PPM1L: variants seen among roughly 807,000 people sequenced by gnomAD.
PPM1L encodes protein phosphatase 1L.
PPM1L carries 13 observed loss-of-function variants against 31.4 expected under a neutral mutation model. The ratio of observed to expected loss-of-function variants is 0.41; its 90% CI spans 0.27 to 0.66. The LOEUF (loss-of-function observed/expected upper bound fraction) is 0.66, where lower values mean the gene tolerates loss of function less well. PPM1L is among the 30% of genes least tolerant of loss of function. The pLI is 0.29. For synonymous variants in PPM1L, 184 were observed against 175.4 expected (o/e 1.05, Z -0.39); for missense variants, 326 against 453.7 (o/e 0.72, Z 2.56).
intron 1 of PPM1L, among the ~76,000 whole-genome samples, chr3:160,939,328 G>A (rs780792483): frequency 2.6e-5 from 4 of 151,956 alleles, no homozygotes; most frequent in Admixed American, 1.3e-4. Flanking sequence ...ATGCCTTTAT[G>A]TCTTTATATA....
chr3:160,791,955 T>C (rs1433755024), intron 1 of PPM1L, among the ~76,000 whole-genome samples: 3 of 152,154 alleles, frequency 2.0e-5, no homozygotes, highest in Non-Finnish European at 4.4e-5. Context: ...AGGGATCTCA[T>C]TGGCTAGCAC....
chr3:160,777,653 G>A (rs993422883), intron 1 of PPM1L, among the ~76,000 whole-genome samples: 50 of 152,060 alleles, frequency 3.3e-4, no homozygotes, highest in African/African-American at 1.2e-3. Flanking sequence ...TTGGTATAAT[G>A]TCCTAAAGAT....
intron 1 of PPM1L, among the ~76,000 whole-genome samples, chr3:160,913,204 TG>T (rs113017461): frequency 1.3e-4 from 20 of 152,218 alleles, no homozygotes; most frequent in African/African-American, 4.6e-4. Context: ...GTTGGATTAA[TG>T]GGTTTTGAAG....
At chr3:160,972,016 C>T (rs1368793133) in intron 2 of PPM1L, among the ~76,000 whole-genome samples, 2 of 152,164 alleles carry the variant, frequency 1.3e-5, no homozygotes, top group East Asian at 1.9e-4. Flanking sequence ...GATCCTCCCA[C>T]CTTGGCCTGT....
At chr3:160,889,137 A>G (rs934692586) in intron 1 of PPM1L, among the ~76,000 whole-genome samples, 4 of 152,224 alleles carry the variant, frequency 2.6e-5, no homozygotes, top group African/African-American at 9.6e-5. Context: ...GCAGAAGACA[A>G]GAAATAACTA....
At chr3:160,847,306 C>T (rs746986928) in intron 1 of PPM1L, among the ~76,000 whole-genome samples, 17 of 151,804 alleles carry the variant, frequency 1.1e-4, no homozygotes, top group Non-Finnish European at 1.9e-4. Context: ...AGAGAAGAAC[C>T]AATATTTTAT....
intron 2 of PPM1L, among the ~76,000 whole-genome samples, chr3:160,964,627 G>C (rs115250037): frequency 2.3e-4 from 35 of 152,154 alleles, no homozygotes; most frequent in African/African-American, 8.2e-4. Flanking sequence ...GTGGCATACA[G>C]TGTTTGGGAA....
intron 1 of PPM1L, among the ~76,000 whole-genome samples, chr3:160,769,111 A>G (rs1365083822): frequency 6.6e-6 from 1 of 152,240 alleles, no homozygotes; most frequent in Non-Finnish European, 1.5e-5. Flanking sequence ...GAATGTGATC[A>G]GCATGATTAG....
chr3:160,834,735 A>T (rs1034648968), intron 1 of PPM1L, among the ~76,000 whole-genome samples: 1 of 152,252 alleles, frequency 6.6e-6, no homozygotes, highest in South Asian at 2.1e-4. Context: ...CTTGAGATCC[A>T]TGTAAGTTTT....
chr3:160,987,574 C>T (rs942644147), intron 2 of PPM1L, among the ~76,000 whole-genome samples: 3 of 152,204 alleles, frequency 2.0e-5, no homozygotes, highest in Non-Finnish European at 2.9e-5. Flanking sequence ...AGACAGTGCT[C>T]TTACCTGATT....
chr3:160,897,612 C>T (rs377005214), intron 1 of PPM1L, among the ~76,000 whole-genome samples: 5 of 152,234 alleles, frequency 3.3e-5, no homozygotes, highest in African/African-American at 1.2e-4. Flanking sequence ...GACTTCTCCT[C>T]TCCAGATTTC....
intron 2 of PPM1L, among the ~76,000 whole-genome samples, chr3:161,064,340 C>T (rs990662050): frequency 2.0e-5 from 3 of 150,290 alleles, no homozygotes; most frequent in African/African-American, 4.9e-5. Context: ...GCTCCCTAGC[C>T]TAGATGACAG....
At chr3:160,843,821 C>T (rs1399354389) in intron 1 of PPM1L, among the ~76,000 whole-genome samples, 7 of 152,084 alleles carry the variant, frequency 4.6e-5, no homozygotes, top group African/African-American at 1.2e-4. Context: ...GCTATAAAGA[C>T]ACATGCACAC....
chr3:160,870,758 C>T (rs1712275317), intron 1 of PPM1L: 2 of 152,174 alleles, frequency 1.3e-5, no homozygotes, highest in South Asian at 2.1e-4. Flanking sequence ...GGTCTTTACA[C>T]ACAATTTATG....
chr3:160,859,260 GT>G (rs1181806298), intron 1 of PPM1L, among the ~76,000 whole-genome samples: 1 of 152,080 alleles, frequency 6.6e-6, no homozygotes, highest in African/African-American at 2.4e-5. Flanking sequence ...GATTGTTGTT[GT>G]TTTCTTATGC....
intron 1 of PPM1L, among the ~76,000 whole-genome samples, chr3:160,873,195 CTT>C (rs1485571436): frequency 1.3e-5 from 2 of 152,138 alleles, no homozygotes; most frequent in Non-Finnish European, 2.9e-5. Context: ...CAAAGAGAGT[CTT>C]TCTGTCACCA....
At chr3:161,004,747 CT>C (rs1717643533) in intron 2 of PPM1L, among the ~76,000 whole-genome samples, 1 of 149,450 alleles carries the variant, frequency 6.7e-6, no homozygotes, top group Non-Finnish European at 1.5e-5. Context: ...CTTTATTAGT[CT>C]TGCTAGCGGT....
chr3:160,865,715 CAG>C (rs1712064384), intron 1 of PPM1L, among the ~76,000 whole-genome samples: 1 of 152,146 alleles, frequency 6.6e-6, no homozygotes, highest in East Asian at 1.9e-4. Context: ...GCAGAGGTTG[CAG>C]TGAGCCGAGA....
At position 161,038,033 on chromosome 3, in the gene PPM1L, A is replaced by T. The variant is rs908081237; in HGVS notation, c.575-27370A>T. 2.0e-5 allele frequency among the ~76,000 whole-genome samples: 3 copies of T among 151,650 alleles called. No individual in the cohort carries two copies. The East Asian group carries it at 6.0e-4, about 30-fold the overall frequency. ...CGGATCACGAGGTCAGGAGATCGAG[A>T]CCATCCCGGCTAAAATGGTGAAACC... On this transcript the variant is annotated intron_variant, in intron 2 of 3. Transcript: ENST00000498165.
Sources: allele counts gnomAD v4.1 joint callset (sites outside exome capture counted in the v4.1 genomes callset), GRCh38; gene constraint gnomAD v4.1.1; transcripts MANE v1.5; gene names NCBI Gene and HGNC (gene_info 2026-07-23, HGNC 2026-07-21).